The following GALNT9 variants were observed in gnomAD, a reference collection of about 807,000 sequenced individuals.
GALNT9 encodes the protein polypeptide N-acetylgalactosaminyltransferase 9, also known as GalNAc transferase 9.
GALNT9 carries 47 observed loss-of-function variants against 63.1 expected under a neutral mutation model. The observed-to-expected ratio is 0.75, with a 90% CI of 0.59 to 0.95. GALNT9 has a LOEUF of 0.95. GALNT9 is among the 40% of genes least tolerant of loss of function. The pLI, the probability that GALNT9 is intolerant of heterozygous loss-of-function variation, is 0.00. For synonymous variants in GALNT9, 396 were observed against 365.7 expected, an observed-to-expected ratio of 1.08 and a Z score of -0.94; for missense variants, 829 against 874.8, an observed-to-expected ratio of 0.95 and a Z score of 0.66.
chr12:132,217,985 CCATCTACCCACT>C (rs1425186026), intron 6 of GALNT9, among the ~76,000 whole-genome samples: 2 of 150,346 alleles, frequency 1.3e-5, no homozygotes, highest in African/African-American at 4.9e-5. Context: ...CACCACTCAT[CCATCTACCCACT>C]CATTTGCCCA....
intron 1 of GALNT9, among the ~76,000 whole-genome samples, chr12:132,311,643 C>T (rs1405817240): frequency 6.6e-6 from 1 of 152,232 alleles, no homozygotes; most frequent in African/African-American, 2.4e-5. Context: ...TGCCGTGGGA[C>T]AGCGGGCCCT....
chr12:132,276,207 C>T (rs563418118), intron 2 of GALNT9: 1 of 154,324 alleles, frequency 6.5e-6, no homozygotes, highest in Non-Finnish European at 1.5e-5. Flanking sequence ...GGGTCCCACT[C>T]CCCCTGAGAC....
intron 6 of GALNT9, among the ~76,000 whole-genome samples, chr12:132,218,887 C>T (rs1449721966): frequency 1.3e-5 from 2 of 152,220 alleles, no homozygotes; most frequent in African/African-American, 2.4e-5. Flanking sequence ...AGAGAAACAG[C>T]GTCTTCCTTC....
chr12:132,322,011 A>G (rs1381555273), intron 1 of GALNT9, among the ~76,000 whole-genome samples: 1 of 39,934 alleles, frequency 2.5e-5, no homozygotes, highest in African/African-American at 1.0e-4. Context: ...CCAAACCCCC[A>G]CTGTCTCTCC....
chr12:132,288,273 T>C (rs1334864315), intron 1 of GALNT9, among the ~76,000 whole-genome samples: 1 of 152,224 alleles, frequency 6.6e-6, no homozygotes, highest in African/African-American at 2.4e-5. Flanking sequence ...CCGGAACCTC[T>C]GGACTTTCTG....
intron 2 of GALNT9, among the ~76,000 whole-genome samples, chr12:132,264,347 C>G (rs1879518435): frequency 6.6e-6 from 1 of 152,232 alleles, no homozygotes; most frequent in East Asian, 1.9e-4. Flanking sequence ...GCTCTCCGCT[C>G]AGCAGCAACA....
chr12:132,297,808 T>C (rs1391296878), intron 1 of GALNT9, among the ~76,000 whole-genome samples: 7 of 151,242 alleles, frequency 4.6e-5, no homozygotes, highest in South Asian at 4.2e-4. Context: ...ACTCTCATAA[T>C]AACCAACTCA....
chr12:132,257,858 C>G lies in GALNT9; in HGVS notation c.790G>C (p.Glu264Gln). The change falls in exon 5 of 11, where the codon GAG (glutamate) becomes CAG (glutamine). Residue 264 changes from glutamate (E) to glutamine (Q), a missense_variant. Glu to Gln is a conservative substitution (Grantham distance 29). Transcript: ENST00000328957. The part of the protein sequence containing the change: ...WAEPALSRIR[E>Q]DRRRIVLPAI... ...GGCAGCACGATGCGACGCCGGTCCT[C>G]TCGGATCCGCGACAGTGCGGGCTCG... 1 of 1,547,854 alleles carries G rather than the reference C, an allele frequency of 6.5e-7. No individual in the cohort carries two copies. The highest frequency in any genetic ancestry group is 2.4e-5 in the East Asian group (1 of 40,904).
In GALNT9 at chr12:132,203,560, A is replaced by G. The variant is rs1389463291; in HGVS notation, c.1208T>C (p.Val403Ala). Residue 403 changes from valine to alanine, a missense_variant, in exon 7 of 11, where the codon GTG becomes GCG. Transcript: ENST00000328957. Reference sequence around the variant, plus strand: ...GTGGGACTTGAAGTCATCCATCCACACCTCGGCGGCGCGCAGGGCGTTGCG... The same window carrying G: ...GTGGGACTTGAAGTCATCCATCCACGCCTCGGCGGCGCGCAGGGCGTTGCG... Reference protein sequence around the residue: ...AKRNALRAAEVWMDDFKSHVY... With the variant: ...AKRNALRAAEAWMDDFKSHVY... 1.2e-6 allele frequency: 2 copies of G among 1,613,834 alleles called. No individual in the cohort carries two copies. Among genetic ancestry groups the G allele is most frequent in the South Asian group, 1.1e-5 (1 of 91,090 alleles).
At chr12:132,207,469 C>G (rs908493534) in intron 6 of GALNT9, among the ~76,000 whole-genome samples, 3 of 152,210 alleles carry the variant, frequency 2.0e-5, no homozygotes, top group Non-Finnish European at 4.4e-5. Context: ...GGGCGGTCTG[C>G]GAGGCCTCCC....
In GALNT9 at chr12:132,198,628, C is replaced by T. The variant is rs564434352; in HGVS notation, c.1497+546G>A. Among the ~76,000 whole-genome samples the T allele has an allele frequency of 2.4e-4, 36 of 152,252 alleles. No homozygotes were observed. The South Asian group carries it at 7.3e-3, about 31-fold the overall frequency. On this transcript the variant is annotated intron_variant, in intron 9 of 10. Coordinates refer to ENST00000328957, the MANE Select transcript of GALNT9 (RefSeq NM_001122636.2). ...TCTTGACTGAGGGGGGAGTGATGCA[C>T]CCCCAGCCCATCTGACCCCAAAGGC...
intron 5 of GALNT9, among the ~76,000 whole-genome samples, chr12:132,254,780 C>A (rs550410441): frequency 6.6e-6 from 1 of 152,218 alleles, no homozygotes; most frequent in East Asian, 1.9e-4. Flanking sequence ...TCTCCCTCTC[C>A]CGTAAGGACC....
intron 7 of GALNT9, among the ~76,000 whole-genome samples, chr12:132,202,782 G>T (rs552905264): frequency 8.3e-4 from 127 of 152,192 alleles, no homozygotes; most frequent in African/African-American, 3.0e-3. Flanking sequence ...GGGATGGGTC[G>T]CGGCCACCCG....
chr12:132,215,820 C>T (rs1043465546), intron 6 of GALNT9, among the ~76,000 whole-genome samples: 7 of 152,104 alleles, frequency 4.6e-5, no homozygotes, highest in Non-Finnish European at 8.8e-5. Context: ...CCCTCCATCA[C>T]CTCCTGGGTG....
rs1245509408 is a variant in GALNT9 at position 132,298,868 on chromosome 12, G to A, written c.239-12438C>T. On this transcript the variant is annotated intron_variant, in intron 1 of 10. Coordinates refer to ENST00000328957, the MANE Select transcript of GALNT9 (RefSeq NM_001122636.2). ...ACCACACCTAAACCATCCCTGAGAT[G>A]ACCAAGCCACTCCTGAGATAACCCA... Among the ~76,000 whole-genome samples the A allele has an allele frequency of 1.4e-3, 153 of 111,154 alleles. 2 individuals carry two copies. The highest frequency in any genetic ancestry group is 5.0e-3 in the African/African-American group (143 of 28,592). 72.9% of individuals were successfully genotyped at this position (111,154 alleles called of 152,430 possible). A position where few individuals can be genotyped will look rare whatever the true frequency, so the allele number is the denominator to read the frequency against.
At chr12:132,284,114 T>TGCACACACGCACAC (rs1880482176) in intron 2 of GALNT9, 1 of 114,882 alleles carries the variant, frequency 8.7e-6, no homozygotes, top group African/African-American at 3.7e-5. Flanking sequence ...CACGCACACA[T>TGCACACACGCACAC]ATGCACACAC....
chr12:132,295,329 G>A (rs1428973129), intron 1 of GALNT9, among the ~76,000 whole-genome samples: 3 of 152,378 alleles, frequency 2.0e-5, no homozygotes, highest in Admixed American at 6.5e-5. Context: ...GCCCAGTGCC[G>A]GGCGCCGTGC....
intron 1 of GALNT9, among the ~76,000 whole-genome samples, chr12:132,293,915 A>T (rs1015250564): frequency 9.9e-5 from 15 of 152,130 alleles, no homozygotes; most frequent in Non-Finnish European, 1.6e-4. Flanking sequence ...AAGCCAGGGG[A>T]CCCCATCTAC....
At chr12:132,210,817 G>A (rs568237548) in intron 6 of GALNT9, among the ~76,000 whole-genome samples, 4 of 139,254 alleles carry the variant, frequency 2.9e-5, no homozygotes, top group African/African-American at 1.3e-4. Context: ...CATCTGGGTG[G>A]TCGCCGTCTG....
Sources: gnomAD v4.1 joint callset for allele counts (sites outside exome capture counted in the v4.1 genomes callset) on GRCh38, gnomAD v4.1.1 for gene constraint, MANE v1.5 for transcripts, NCBI Gene and HGNC (gene_info 2026-07-23, HGNC 2026-07-21) for gene names.